Variants in ZNF536 observed in about 807,000 individuals in gnomAD.
The protein encoded by ZNF536 is zinc finger protein 536.
In ZNF536, 13 loss-of-function variants were observed where a neutral mutation model predicts 84.5. The observed-to-expected ratio is 0.15, with a 90% confidence interval of 0.10 to 0.24. The LOEUF (loss-of-function observed/expected upper bound fraction) is 0.24. ZNF536 is among the 10% of genes least tolerant of loss of function. The pLI is 1.00. For missense variants in ZNF536, 1,536 were observed against 1,747.5 expected, an observed-to-expected ratio of 0.88 and a Z score of 2.16; for synonymous variants, 811 against 742.5, an observed-to-expected ratio of 1.09 and a Z score of -1.50.
intron 2 of ZNF536, among the ~76,000 whole-genome samples, chr19:30,309,314 C>G (rs779998618): frequency 1.1e-4 from 16 of 152,198 alleles, no homozygotes; most frequent in Non-Finnish European, 1.9e-4. Flanking sequence ...AACTGGTTAT[C>G]TAACTGGTAT....
chr19:30,432,701 C>T (rs1300115497), intron 1 of ZNF536, among the ~76,000 whole-genome samples: 1 of 152,218 alleles, frequency 6.6e-6, no homozygotes, highest in African/African-American at 2.4e-5. Context: ...AGTTTATTTT[C>T]ATCCTTTACT....
intron 1 of ZNF536, among the ~76,000 whole-genome samples, chr19:30,597,676 T>C (rs1271879673): frequency 6.6e-6 from 1 of 152,254 alleles, no homozygotes; most frequent in African/African-American, 2.4e-5. Context: ...GCAACCTCTA[T>C]GTAAAATACA....
At chr19:30,678,851 A>G (rs1264947952) in intron 1 of ZNF536, among the ~76,000 whole-genome samples, 1 of 152,096 alleles carries the variant, frequency 6.6e-6, no homozygotes, top group Non-Finnish European at 1.5e-5. Context: ...CTGAGACAGA[A>G]GGGTCGCTTG....
intron 1 of ZNF536, among the ~76,000 whole-genome samples, chr19:30,686,954 T>C (rs1292838020): frequency 6.6e-6 from 1 of 152,248 alleles, no homozygotes; most frequent in Non-Finnish European, 1.5e-5. Flanking sequence ...TGGAACTTAT[T>C]TGGAGTAGCC....
intron 2 of ZNF536, among the ~76,000 whole-genome samples, chr19:30,446,248 C>CAAAAAAA (rs1177505634): frequency 0.013 from 391 of 29,122 alleles, 51 homozygotes; most frequent in Non-Finnish European, 0.015. Context: ...GACACTGTCT[C>CAAAAAAA]AAAAAAAAAA....
downstream of ZNF536, among the ~76,000 whole-genome samples, chr19:30,562,807 T>G (rs1322520177): frequency 6.6e-6 from 1 of 152,006 alleles, no homozygotes; most frequent in Non-Finnish European, 1.5e-5. Flanking sequence ...TTCACTTCCT[T>G]CTGTGCCTGT....
At chr19:30,656,040 T>TA (rs376938985) in intron 1 of ZNF536, among the ~76,000 whole-genome samples, 5,704 of 145,350 alleles carry the variant, frequency 0.039, 323 homozygotes, top group African/African-American at 0.12. Context: ...CCGTGTTTCA[T>TA]AAAAAAAAAA....
intron 3 of ZNF536, among the ~76,000 whole-genome samples, chr19:30,541,175 C>G (rs1442516822): frequency 6.6e-6 from 1 of 152,184 alleles, no homozygotes; most frequent in Non-Finnish European, 1.5e-5. Flanking sequence ...AACTTCCAGC[C>G]GGCCCCATCC....
intron 4 of ZNF536, 65 bp from the exon 5 acceptor site, chr19:30,557,092 C>T (rs939556200): frequency 1.3e-6 from 2 of 1,584,978 alleles, no homozygotes; most frequent in Admixed American, 1.7e-5. Flanking sequence ...CCTGCCCTTG[C>T]TTTCAAATGC....
chr19:30,477,952 T>G (rs1018503907), intron 2 of ZNF536, among the ~76,000 whole-genome samples: 3 of 152,176 alleles, frequency 2.0e-5, no homozygotes, highest in Non-Finnish European at 4.4e-5. Flanking sequence ...AATAGTCCTT[T>G]TTTCCTTTTT....
chr19:30,285,987 G>A (rs577906665), intron 2 of ZNF536, among the ~76,000 whole-genome samples: 4 of 152,270 alleles, frequency 2.6e-5, no homozygotes, highest in South Asian at 4.1e-4. Flanking sequence ...GTGCTTTTTC[G>A]GAAGTCTTTG....
At chr19:30,335,121 C>T (rs1266109592) in intron 2 of ZNF536, among the ~76,000 whole-genome samples, 1 of 152,180 alleles carries the variant, frequency 6.6e-6, no homozygotes. Context: ...ACAGAGGAGT[C>T]ACGCAGGAGG....
At position 30,392,511 on chromosome 19, in the gene ZNF536, G is replaced by A. The variant is rs1476651016; in HGVS notation, c.-3+19955G>A. ...TTATCTGCGGTTAGCTGGTTACTCC[G>A]AGCTGCCAACTCCTGAATGCCACGG... is the stretch of plus-strand genomic sequence containing the variant. On this transcript the variant is annotated intron_variant, in intron 1 of 4. Coordinates refer to ENST00000355537, the MANE Select transcript of ZNF536 (RefSeq NM_014717.3). 2.6e-5 allele frequency among the ~76,000 whole-genome samples: 4 copies of A among 152,156 alleles called. No homozygotes were observed. In the East Asian group the frequency reaches 5.8e-4, roughly 22 times the overall value.
chr19:30,662,428 T>C (rs1211241776), intron 1 of ZNF536, among the ~76,000 whole-genome samples: 1 of 152,236 alleles, frequency 6.6e-6, no homozygotes, highest in Admixed American at 6.5e-5. Flanking sequence ...AAGACTGGTA[T>C]TATGTTGCTC....
intron 1 of ZNF536, among the ~76,000 whole-genome samples, chr19:30,258,491 T>G (rs1273273932): frequency 6.6e-6 from 1 of 152,204 alleles, no homozygotes; most frequent in Non-Finnish European, 1.5e-5. Context: ...TAGTTGAACA[T>G]GCCTCTGGCA....
chr19:30,498,359 G>T (rs528778110), intron 2 of ZNF536, among the ~76,000 whole-genome samples: 1 of 152,136 alleles, frequency 6.6e-6, no homozygotes, highest in Non-Finnish European at 1.5e-5. Flanking sequence ...AACACCGCAT[G>T]TTCTCACTTA....
At chr19:30,634,202 C>T (rs559103940) in intron 1 of ZNF536, among the ~76,000 whole-genome samples, 2 of 152,228 alleles carry the variant, frequency 1.3e-5, no homozygotes, top group East Asian at 1.9e-4. Flanking sequence ...GCTTAAGGCG[C>T]GGTGCTGGCT....
In ZNF536 at chr19:30,443,928, C is replaced by T. The variant is rs2148160888; in HGVS notation, c.366C>T (p.Asp122=). 1.2e-6 allele frequency: 2 copies of T among 1,613,698 alleles called. No individual in the cohort carries two copies. The highest frequency in any genetic ancestry group is 1.7e-6 in the Non-Finnish European group (2 of 1,180,020). ...GIMSQMSDIE[D]DARKNRKYPC... ...TGTCCCAGATGAGCGACATCGAGGA[C>T]GACGCCCGCAAGAACCGCAAGTACC... The change falls in exon 2 of 5, where the codon GAC becomes GAT. Residue 122 remains aspartate, a synonymous_variant. Coordinates refer to ENST00000355537, the MANE Select transcript of ZNF536 (RefSeq NM_014717.3).
intron 2 of ZNF536, among the ~76,000 whole-genome samples, chr19:30,457,163 C>A (rs1328657996): frequency 6.6e-6 from 1 of 152,178 alleles, no homozygotes; most frequent in East Asian, 1.9e-4. Context: ...GAGGGTTTAC[C>A]CTGGGGCCTG....
Sources: allele counts gnomAD v4.1 joint callset (sites outside exome capture counted in the v4.1 genomes callset), GRCh38; gene constraint gnomAD v4.1.1; transcripts MANE v1.5; gene names NCBI Gene and HGNC (gene_info 2026-07-23, HGNC 2026-07-21).